Variants in SSPN observed in about 807,000 individuals in gnomAD.
SSPN encodes K-ras oncogene-associated protein.
In SSPN, 15 loss-of-function variants were observed where a neutral mutation model predicts 19.1. The ratio of observed to expected loss-of-function variants is 0.78; its 90% CI spans 0.52 to 1.21. SSPN has a LOEUF of 1.21. Among genes scored for constraint, SSPN ranks in the 50% most tolerant of loss-of-function variants. The probability of loss-of-function intolerance (pLI) is 0.00; values close to 1 mark genes in which losing one functional copy is unlikely to be tolerated. For synonymous variants in SSPN, 147 were observed against 140.3 expected (o/e 1.05, Z -0.34); for missense variants, 291 against 314.0 (o/e 0.93, Z 0.55).
intron 1 of SSPN, among the ~76,000 whole-genome samples, chr12:26,198,062 G>A (rs1944845370): frequency 6.6e-6 from 1 of 151,132 alleles, no homozygotes; most frequent in African/African-American, 2.4e-5. Context: ...AGCTTTCAGG[G>A]AAGGGAAAAG....
chr12:26,152,500 A>G (rs1944531667), intron 1 of SSPN, among the ~76,000 whole-genome samples: 1 of 152,212 alleles, frequency 6.6e-6, no homozygotes, highest in South Asian at 2.1e-4. Flanking sequence ...TCACTATGTC[A>G]GGGTAAAACC....
chr12:26,122,660 G>C (rs779327961), intron 1 of SSPN: 5 of 1,396,558 alleles, frequency 3.6e-6, no homozygotes, highest in South Asian at 2.0e-5. Flanking sequence ...TGCCGCCGCC[G>C]CGGGAATCCA....
chr12:26,212,490 A>G (rs1261552638), intron 1 of SSPN, among the ~76,000 whole-genome samples: 1 of 152,162 alleles, frequency 6.6e-6, no homozygotes, highest in Admixed American at 6.6e-5. Flanking sequence ...CAAAGTCAGT[A>G]TTACAAATTG....
chr12:26,122,920 C>T (rs1392412512), intron 1 of SSPN: 6 of 1,550,056 alleles, frequency 3.9e-6, no homozygotes, highest in Admixed American at 2.0e-5. Flanking sequence ...GGGGCGGCCG[C>T]GGACCCGGCG....
At position 26,210,942 on chromosome 12, in the gene SSPN, T is replaced by C. The variant is rs1032369762; in HGVS notation, c.280-13351T>C. Among the ~76,000 whole-genome samples, 6 of 152,158 alleles carry C rather than the reference T, an allele frequency of 3.9e-5. No homozygotes were observed. The East Asian group carries it at 1.2e-3, about 29-fold the overall frequency. ...AGTAATATTTTTTACTTTATTGCAT[T>C]GTTTGGGGGAAAATGAGCTAATGTA... On this transcript the variant is annotated intron_variant, in intron 1 of 2. Transcript: ENST00000242729.
intron 1 of SSPN, among the ~76,000 whole-genome samples, chr12:26,189,344 A>ATAAT (rs1463685513): frequency 1.3e-5 from 2 of 152,208 alleles, no homozygotes; most frequent in Admixed American, 1.3e-4. Context: ...CTGCATTATT[A>ATAAT]AGAAGAAAAA....
intron 1 of SSPN, among the ~76,000 whole-genome samples, chr12:26,133,614 A>ACAAT (rs3068021): frequency 0.96 from 146,674 of 152,218 alleles, 70,881 homozygotes; most frequent in East Asian, 1. Context: ...GAAAATCTTG[A>ACAAT]CAATTGGTTC....
chr12:26,180,365 G>C (rs748746580), intron 1 of SSPN: 2 of 152,064 alleles, frequency 1.3e-5, no homozygotes, highest in Admixed American at 1.3e-4. Flanking sequence ...TTCTTGTCAC[G>C]ATGAACAGAG....
intron 1 of SSPN, among the ~76,000 whole-genome samples, chr12:26,136,311 T>A (rs1344654841): frequency 6.6e-6 from 1 of 152,088 alleles, no homozygotes; most frequent in Non-Finnish European, 1.5e-5. Context: ...AAGGGATAAG[T>A]GTGTTTCATG....
chr12:26,184,773 TAGAG>T (rs1459766585), intron 1 of SSPN, among the ~76,000 whole-genome samples: 1 of 152,138 alleles, frequency 6.6e-6, no homozygotes, highest in Admixed American at 6.5e-5. Context: ...ACTTCTCTCA[TAGAG>T]AGGAAGGGAG....
intron 1 of SSPN, among the ~76,000 whole-genome samples, chr12:26,222,362 G>A (rs866227443): frequency 6.6e-5 from 10 of 152,164 alleles, no homozygotes; most frequent in South Asian, 2.1e-4. Flanking sequence ...TTATGTAACC[G>A]AAGGGAGAAG....
chr12:26,192,707 A>G (rs1591871463), upstream of SSPN, among the ~76,000 whole-genome samples: 1 of 152,218 alleles, frequency 6.6e-6, no homozygotes, highest in East Asian at 1.9e-4. Flanking sequence ...TGAAAATTGT[A>G]GTCTGCAGTT....
chr12:26,140,734 G>T (rs926181179), intron 1 of SSPN, among the ~76,000 whole-genome samples: 1 of 152,152 alleles, frequency 6.6e-6, no homozygotes, highest in Non-Finnish European at 1.5e-5. Flanking sequence ...CGTCATGATT[G>T]TAAATTTCCT....
At chr12:26,224,463 T>C in intron 2 of SSPN, 84 bp downstream of exon 2, 1 of 1,170,794 alleles carries the variant, frequency 8.5e-7, no homozygotes, top group Non-Finnish European at 1.3e-6. Flanking sequence ...CTTAAGGGGT[T>C]GCATATCTGA....
intron 1 of SSPN, among the ~76,000 whole-genome samples, chr12:26,137,819 C>T (rs1171982170): frequency 6.6e-6 from 1 of 151,102 alleles, no homozygotes; most frequent in African/African-American, 2.4e-5. Context: ...GGCCCCACCA[C>T]CACGCCCGGC....
At chr12:26,135,688 A>G (rs1944421191) in intron 1 of SSPN, among the ~76,000 whole-genome samples, 1 of 152,232 alleles carries the variant, frequency 6.6e-6, no homozygotes, top group South Asian at 2.1e-4. Context: ...ATTCAAAAAG[A>G]AAGTTTTGAT....
At chr12:26,175,704 T>C (rs941627647) in intron 1 of SSPN, among the ~76,000 whole-genome samples, 11 of 152,282 alleles carry the variant, frequency 7.2e-5, no homozygotes, top group African/African-American at 2.4e-4. Flanking sequence ...CTGTGAGATA[T>C]GAATCTATAA....
chr12:26,123,493 A>G, intron 1 of SSPN: 1 of 756,622 alleles, frequency 1.3e-6, no homozygotes, highest in Non-Finnish European at 2.4e-6. Flanking sequence ...AAGGGAAAGT[A>G]TAAGCAATTT....
chr12:26,186,762 G>C (rs1336915723), intron 1 of SSPN, among the ~76,000 whole-genome samples: 1 of 152,202 alleles, frequency 6.6e-6, no homozygotes, highest in Admixed American at 6.5e-5. Context: ...TACTGGCTTG[G>C]TTATGTATTA....
Sources: gnomAD v4.1 joint callset for allele counts (sites outside exome capture counted in the v4.1 genomes callset) on GRCh38, gnomAD v4.1.1 for gene constraint, MANE v1.5 for transcripts, NCBI Gene and HGNC (gene_info 2026-07-23, HGNC 2026-07-21) for gene names.